Variants in LVRN observed in about 807,000 individuals in gnomAD.
LVRN encodes the protein aminopeptidase Q.
A neutral mutation model predicts 111.4 loss-of-function variants in LVRN; 99 were observed. That is an observed-to-expected ratio of 0.89 (90% CI 0.76 to 1.05). The LOEUF is 1.05. Ranked by LOEUF, LVRN falls within the 50% of genes least tolerant of loss-of-function variation. LVRN has a pLI of 0.00. For synonymous variants in LVRN, 488 were observed against 449.5 expected (o/e 1.09, Z -1.08); for missense variants, 1,414 against 1,206.8 (o/e 1.17, Z -2.54).
chr5:115,992,399 A>C, intron 5 of LVRN, 122 bp downstream of exon 5: 55 of 1,132,780 alleles, frequency 4.9e-5, no homozygotes, highest in Non-Finnish European at 6.5e-5. Flanking sequence ...AAAACATCTC[A>C]AAGTATGACA....
chr5:115,990,006 C>T (rs1747949382), intron 4 of LVRN, among the ~76,000 whole-genome samples: 1 of 152,094 alleles, frequency 6.6e-6, no homozygotes, highest in Non-Finnish European at 1.5e-5. Context: ...GGGTGAAAAA[C>T]GATTTGGTTT....
At chr5:116,025,296 T>C (rs1425603348) in intron 19 of LVRN, among the ~76,000 whole-genome samples, 1 of 152,216 alleles carries the variant, frequency 6.6e-6, no homozygotes, top group African/African-American at 2.4e-5. Flanking sequence ...TGAGCTGTTG[T>C]GAGCTGGAAT....
At position 116,002,827 on chromosome 5, in the gene LVRN, C is replaced by G; in HGVS notation, c.1821-8C>G. ...AAGTAACTAATTTTTTTATTTTCTT[C>G]CAATAAGTGACACATGGATTGTCCC... On this transcript the variant is annotated splice_polypyrimidine_tract_variant and splice_region_variant and intron_variant, in intron 10 of 19. Transcript: ENST00000357872. 6.3e-7 allele frequency: 1 copy of G among 1,586,432 alleles called. No individual in the cohort carries two copies. Among genetic ancestry groups the G allele is most frequent in the Non-Finnish European group, 8.6e-7 (1 of 1,159,016 alleles).
chr5:116,010,529 G>T (rs1439525302), intron 13 of LVRN: 4 of 609,084 alleles, frequency 6.6e-6, no homozygotes, highest in Non-Finnish European at 9.2e-6. Flanking sequence ...CAAGACTTTG[G>T]ACACTTGAAA....
At position 115,993,723 on chromosome 5, in the gene LVRN, T is replaced by C. The variant is rs1561561115; in HGVS notation, c.1261-18T>C. The C allele has an allele frequency of 6.6e-7, 1 of 1,511,870 alleles. No homozygotes were observed. Among genetic ancestry groups the C allele is most frequent in the Non-Finnish European group, 9.1e-7 (1 of 1,100,004 alleles). 93.7% of individuals were successfully genotyped at this position (1,511,870 alleles called of 1,614,324 possible). A position where few individuals can be genotyped will look rare whatever the true frequency, so the allele number is the denominator to read the frequency against. ...ATTAAATTTAAGAAAGCTCTTTTTT[T>C]CTTCTCATTTCCAAAAGTGGTTTGG... On this transcript the variant is annotated intron_variant, in intron 5 of 19. Coordinates refer to ENST00000357872, the MANE Select transcript of LVRN (RefSeq NM_173800.5).
At chr5:115,993,209 T>TTTTTA in intron 5 of LVRN, among the ~76,000 whole-genome samples, 1 of 148,768 alleles carries the variant, frequency 6.7e-6, no homozygotes, top group Admixed American at 6.9e-5. Context: ...TGTTTTTTTT[T>TTTTTA]TTCTGTTCAG....
In LVRN at chr5:115,962,641, C is replaced by G. The variant is rs200890347; in HGVS notation, c.24C>G (p.Gly8=). 1.5e-4 allele frequency: 245 copies of G among 1,604,728 alleles called. 2 individuals are homozygous for G. The highest frequency in any genetic ancestry group is 1.4e-3 in the Middle Eastern group (8 of 5,524). ...CCATGGGGCCCCCTTCCAGCTCAGGCTTCTATGTGAGCCGCGCAGTGGCCC... is the reference window on the plus strand; with the variant it reads ...CCATGGGGCCCCCTTCCAGCTCAGGGTTCTATGTGAGCCGCGCAGTGGCCC... The part of the protein sequence containing the change: MGPPSSS[G]FYVSRAVALL... The change falls in exon 1 of 20, where the codon GGC becomes GGG. Residue 8 remains glycine, a synonymous_variant. Transcript: ENST00000357872.
chr5:115,987,722 G>C lies in LVRN; in HGVS notation c.979-91G>C, dbSNP rs145993693. 1.7e-5 allele frequency: 24 copies of C among 1,426,986 alleles called. 1 individual carries two copies. The African/African-American group carries it at 2.0e-4, about 12-fold the overall frequency. 88.4% of individuals were successfully genotyped at this position (1,426,986 alleles called of 1,614,324 possible). A position where few individuals can be genotyped will look rare whatever the true frequency, so the allele number is the denominator to read the frequency against. ...GCTTCTTCTGGAAAGGTAAGACTTT[G>C]GTTCAGCAGCAGGGAATTGGAGCAA... On this transcript the variant is annotated intron_variant, in intron 3 of 19. Coordinates refer to ENST00000357872, the MANE Select transcript of LVRN (RefSeq NM_173800.5).
chr5:115,970,959 T>C (rs1753312494), intron 1 of LVRN, among the ~76,000 whole-genome samples: 1 of 152,234 alleles, frequency 6.6e-6, no homozygotes, highest in African/African-American at 2.4e-5. Context: ...AGGAGTTTGG[T>C]CATTTAAAAT....
In LVRN at chr5:116,026,128, A is replaced by G. The variant is rs745910685; in HGVS notation, c.*10A>G. On this transcript the variant is annotated 3_prime_UTR_variant, in exon 20 of 20. Coordinates refer to ENST00000357872, the MANE Select transcript of LVRN (RefSeq NM_173800.5). ...AAGGAGAAACACATAGCTTGTGGCTATCTTTCAGCACTCCTCTTGCATATT... is the reference window on the plus strand; with the variant it reads ...AAGGAGAAACACATAGCTTGTGGCTGTCTTTCAGCACTCCTCTTGCATATT... 2 of 1,613,562 alleles carry G rather than the reference A, an allele frequency of 1.2e-6. No individual in the cohort carries two copies. Among genetic ancestry groups the G allele is most frequent in the Non-Finnish European group, 8.5e-7 (1 of 1,179,690 alleles).
chr5:115,984,754 C>G (rs1357183952), intron 3 of LVRN, 45 bp downstream of exon 3: 2 of 1,606,020 alleles, frequency 1.2e-6, no homozygotes, highest in African/African-American at 2.7e-5. Flanking sequence ...GTACTGGCTG[C>G]AGATTATTCA....
chr5:115,975,889 G>A (rs1694317506), intron 1 of LVRN: 1 of 158,810 alleles, frequency 6.3e-6, no homozygotes, highest in Admixed American at 6.5e-5. Context: ...ATTGTAATTT[G>A]TTTTTTAAAA....
rs1035309090 is a variant in LVRN, at chr5:115,978,275, G to T, written c.696-5012G>T. Among the ~76,000 whole-genome samples, 23 of 152,156 alleles carry T rather than the reference G, an allele frequency of 1.5e-4. 1 individual carries two copies. The highest frequency in any genetic ancestry group is 5.3e-4 in the African/African-American group (22 of 41,428). On this transcript the variant is annotated intron_variant, in intron 1 of 19. Transcript: ENST00000357872. The stretch of plus-strand genomic sequence containing the variant: ...AAATGTCATTTCATTATCCTATAAA[G>T]GTGTCAAACCCATATATTTCATGTG...
Position 115,979,342 on chromosome 5 carries a change from C to T in LVRN, c.696-3945C>T, listed in dbSNP as rs537561354. On this transcript the variant is annotated intron_variant, in intron 1 of 19. Transcript: ENST00000357872. ...CTCTCAGCCTCAGGAAACACTTTCA[C>T]TGCTCTCTGAGGGATTCTCTCCTCC... Among the ~76,000 whole-genome samples, 5 of 152,306 alleles carry T rather than the reference C, an allele frequency of 3.3e-5. No individual in the cohort carries two copies. In the South Asian group the frequency reaches 1.0e-3, roughly 32 times the overall value.
At position 116,003,641 on chromosome 5, in the gene LVRN, A is replaced by G. The variant is rs200404636; in HGVS notation, c.2037+261A>G. ...CTGTCGCCCAGGCTGGAGTGCAGTG[A>G]CGCGATCTCGGCTCACTGCAAGCTC... On this transcript the variant is annotated intron_variant, in intron 12 of 19. Transcript: ENST00000357872. Among the ~76,000 whole-genome samples the G allele has an allele frequency of 5.4e-4, 78 of 145,460 alleles. No homozygotes were observed. The East Asian group carries it at 0.015, about 28-fold the overall frequency.
rs1748217673 is a variant in LVRN, at chr5:116,000,615, A to C, written c.1604A>C (p.Tyr535Ser). 1 of 1,613,950 alleles carries C rather than the reference A, an allele frequency of 6.2e-7. No homozygotes were observed. Among genetic ancestry groups the C allele is most frequent in the Non-Finnish European group, 8.5e-7 (1 of 1,179,916 alleles). ...ALKSYLKTFS[Y>S]SNAEQDDLWR... ...CAGTCATATTTGAAGACATTTTCCT[A>C]CTCAAACGCTGAGCAAGATGATCTA... The change falls in exon 9 of 20, where the codon TAC becomes TCC. Residue 535 changes from tyrosine (Y) to serine (S), a missense_variant. Physicochemically the swap from Tyr to Ser is moderately radical, Grantham distance 144 (BLOSUM62 -2). Coordinates refer to ENST00000357872, the MANE Select transcript of LVRN (RefSeq NM_173800.5).
At chr5:116,014,137 A>G (rs749939247) in intron 15 of LVRN, among the ~76,000 whole-genome samples, 1 of 152,162 alleles carries the variant, frequency 6.6e-6, no homozygotes, top group African/African-American at 2.4e-5. Context: ...GTGTACACCC[A>G]TGTGTGTTTA....
rs1748750506 is a variant in LVRN, at chr5:116,022,465, AG to A, written c.2832+1del. On this transcript the variant is annotated frameshift_variant and splice_region_variant, in exon 19 of 20. Transcript: ENST00000357872. LOFTEE classifies it high-confidence loss of function. Reference sequence around the variant, plus strand: ...GTAACTACAGATTTACAGATTGTGGAGGTAAGTACTTTAAATATTATGAAAT... The same window carrying A: ...GTAACTACAGATTTACAGATTGTGGAGTAAGTACTTTAAATATTATGAAAT... ...RTVTTDLQIVELQQFFSNMLE... is the reference protein window; with the variant it reads ...RTVTTDLQIVXLQQFFSNMLE... 1 of 1,532,124 alleles carries A rather than the reference AG, an allele frequency of 6.5e-7. No homozygotes were observed. The highest frequency in any genetic ancestry group is 8.9e-7 in the Non-Finnish European group (1 of 1,124,264). The allele number at this position is 1,532,124 out of a possible 1,614,324, so 94.9% of individuals were successfully genotyped here. A position where few individuals can be genotyped will look rare whatever the true frequency, so the allele number is the denominator to read the frequency against.
chr5:115,996,372 C>A (rs1343225611), intron 6 of LVRN, among the ~76,000 whole-genome samples: 2 of 152,104 alleles, frequency 1.3e-5, no homozygotes. Flanking sequence ...TTAATTATTT[C>A]TTTTTATCAT....
Sources: gnomAD v4.1 joint callset for allele counts (sites outside exome capture counted in the v4.1 genomes callset) on GRCh38, gnomAD v4.1.1 for gene constraint, MANE v1.5 for transcripts, NCBI Gene and HGNC (gene_info 2026-07-23, HGNC 2026-07-21) for gene names.